TRHDE: variants seen among roughly 807,000 people sequenced by gnomAD.
TRHDE encodes the protein thyrotropin-releasing hormone-degrading ectoenzyme.
Under a neutral mutation model 125.7 loss-of-function variants are expected in TRHDE, and 72 were observed. That is an observed-to-expected ratio of 0.57 (90% CI 0.47 to 0.70). TRHDE has a LOEUF of 0.70. TRHDE is among the 30% of genes least tolerant of loss of function. TRHDE has a pLI of 0.00. For synonymous variants in TRHDE, 509 were observed against 509.1 expected (o/e 1.00, Z 0.00); for missense variants, 1,110 against 1,327.1 (o/e 0.84, Z 2.54).
intron 2 of TRHDE, among the ~76,000 whole-genome samples, chr12:72,376,134 T>C (rs1209061508): frequency 1.3e-5 from 2 of 152,106 alleles, no homozygotes; most frequent in East Asian, 1.9e-4. Flanking sequence ...AGTATGGAAG[T>C]CTAGTTCTCT....
chr12:72,479,875 A>G (rs1384768692), intron 5 of TRHDE, among the ~76,000 whole-genome samples: 3 of 141,576 alleles, frequency 2.1e-5, no homozygotes, highest in Admixed American at 8.0e-5. Flanking sequence ...ATGTGTTCTC[A>G]TTGTTCAATT....
intron 10 of TRHDE, among the ~76,000 whole-genome samples, chr12:72,573,272 GTTTA>G (rs1870832365): frequency 6.6e-6 from 1 of 151,660 alleles, no homozygotes; most frequent in Non-Finnish European, 1.5e-5. Flanking sequence ...GTATTTTCTC[GTTTA>G]TTTATGTAGT....
chr12:72,116,607 AC>A (rs1278173026), intron 2 of TRHDE, among the ~76,000 whole-genome samples: 1 of 152,158 alleles, frequency 6.6e-6, no homozygotes, highest in African/African-American at 2.4e-5. Flanking sequence ...TTCTCTAATG[AC>A]CAGTGATGAT....
chr12:72,503,793 G>C (rs1011808467), intron 6 of TRHDE, among the ~76,000 whole-genome samples: 3 of 152,156 alleles, frequency 2.0e-5, no homozygotes, highest in African/African-American at 7.2e-5. Context: ...CTCAGAGAAG[G>C]AGTAAATTGA....
Position 72,272,648 on chromosome 12 carries a change from C to A in TRHDE, c.5C>A (p.Ala2Asp). ...GGAGGAGGAGGAGGCGGTGTGATGGCCCTGGACGGCGAGCTGGGGGAGCAA... is the reference window on the plus strand; with the variant it reads ...GGAGGAGGAGGAGGCGGTGTGATGGACCTGGACGGCGAGCTGGGGGAGCAA... The part of the protein sequence containing the change: M[A>D]LDGELGEQEE... Residue 2 changes from alanine to aspartate, a missense_variant, in exon 1 of 19, where the codon GCC (alanine) becomes GAC (aspartate). Physicochemically the swap from Ala to Asp is moderately radical, Grantham distance 126 (BLOSUM62 -2). Coordinates refer to ENST00000261180, the MANE Select transcript of TRHDE (RefSeq NM_013381.3). This position sits in a 1 kb window ranked among gnomAD's most constrained non-coding sequence, Gnocchi z 6.7. 2 of 1,136,800 alleles carry A rather than the reference C, an allele frequency of 1.8e-6. No individual in the cohort carries two copies. The highest frequency in any genetic ancestry group is 2.4e-6 in the Non-Finnish European group (2 of 833,068). 70.4% of individuals were successfully genotyped at this position (1,136,800 alleles called of 1,614,324 possible). A position where few individuals can be genotyped will look rare whatever the true frequency, so the allele number is the denominator to read the frequency against.
chr12:72,494,919 T>A (rs1877839642), intron 5 of TRHDE, among the ~76,000 whole-genome samples: 1 of 152,028 alleles, frequency 6.6e-6, no homozygotes, highest in South Asian at 2.1e-4. Flanking sequence ...AGGCTTTTAC[T>A]TTCAGTTGCC....
At chr12:72,395,667 C>T (rs548329038) in intron 3 of TRHDE, among the ~76,000 whole-genome samples, 1 of 152,222 alleles carries the variant, frequency 6.6e-6, no homozygotes, top group South Asian at 2.1e-4. Context: ...ATCACTCTCA[C>T]CTGAAAACAT....
intron 2 of TRHDE, among the ~76,000 whole-genome samples, chr12:72,248,698 A>G (rs1843801896): frequency 2.6e-5 from 4 of 152,182 alleles, no homozygotes; most frequent in East Asian, 1.9e-4. Context: ...TCCTGTTCTC[A>G]TGTCTTCTAT....
intron 7 of TRHDE, among the ~76,000 whole-genome samples, 173 bp downstream of exon 7, chr12:72,542,529 T>C (rs2135987936): frequency 6.6e-6 from 1 of 151,496 alleles, no homozygotes; most frequent in South Asian, 2.1e-4. Context: ...ACTCACGATA[T>C]CAACTGACAA....
At chr12:72,187,482 T>C (rs1877248173) in intron 2 of TRHDE, among the ~76,000 whole-genome samples, 1 of 135,324 alleles carries the variant, frequency 7.4e-6, no homozygotes, top group Non-Finnish European at 1.6e-5. Flanking sequence ...GTGGTCGTGG[T>C]GGTGGTGGTG....
intron 3 of TRHDE, among the ~76,000 whole-genome samples, chr12:72,417,417 T>G (rs920476350): frequency 6.6e-6 from 1 of 152,042 alleles, no homozygotes; most frequent in African/African-American, 2.4e-5. Context: ...ATTTGATTAC[T>G]TTTTTAAATG....
intron 2 of TRHDE, among the ~76,000 whole-genome samples, chr12:72,146,905 G>A (rs1290330797): frequency 2.0e-5 from 3 of 152,218 alleles, no homozygotes; most frequent in Non-Finnish European, 4.4e-5. Flanking sequence ...GGCTCTCAGT[G>A]AGATGGATGC....
intron 3 of TRHDE, among the ~76,000 whole-genome samples, chr12:72,394,733 G>C (rs190964072): frequency 7.9e-5 from 12 of 152,258 alleles, no homozygotes; most frequent in Admixed American, 7.8e-4. Context: ...AAGCCTACAA[G>C]TGGTATAGGT....
intron 6 of TRHDE, among the ~76,000 whole-genome samples, chr12:72,509,851 G>GA (rs1878511415): frequency 6.6e-6 from 1 of 152,038 alleles, no homozygotes; most frequent in Admixed American, 6.6e-5. Flanking sequence ...GTAAATGTCA[G>GA]AAAAACAATA....
intron 2 of TRHDE, among the ~76,000 whole-genome samples, chr12:72,240,711 A>C (rs1878461219): frequency 6.6e-6 from 1 of 151,800 alleles, no homozygotes; most frequent in East Asian, 1.9e-4. Context: ...CTGGGACTAC[A>C]GGCGCCCACC....
chr12:72,652,582 G>C, intron 16 of TRHDE, 93 bp downstream of exon 16: 1 of 900,186 alleles, frequency 1.1e-6, no homozygotes, highest in East Asian at 2.8e-5. Context: ...TTGAATATAT[G>C]CTAGTTATTT....
intron 12 of TRHDE, among the ~76,000 whole-genome samples, chr12:72,600,060 C>T (rs1485712058): frequency 1.3e-5 from 2 of 151,800 alleles, no homozygotes; most frequent in African/African-American, 2.4e-5. Context: ...TGTAGGTGTG[C>T]GACTTTATTT....
intron 12 of TRHDE, among the ~76,000 whole-genome samples, chr12:72,602,476 G>T (rs1399997167): frequency 6.6e-6 from 1 of 152,082 alleles, no homozygotes; most frequent in Non-Finnish European, 1.5e-5. Context: ...AGGTATGGTG[G>T]GTTACACTGG....
chr12:72,434,565 T>C (rs1290741103), intron 3 of TRHDE, among the ~76,000 whole-genome samples: 1 of 152,118 alleles, frequency 6.6e-6, no homozygotes, highest in African/African-American at 2.4e-5. Flanking sequence ...GATTAGATTT[T>C]CAGTCACTAC....
Sources: allele counts gnomAD v4.1 joint callset (sites outside exome capture counted in the v4.1 genomes callset), GRCh38; gene constraint gnomAD v4.1.1; non-coding constraint Gnocchi (gnomAD v3.1); transcripts MANE v1.5; gene names NCBI Gene and HGNC (gene_info 2026-07-23, HGNC 2026-07-21).